Variants in SGIP1 observed in about 807,000 individuals in gnomAD.
The protein encoded by SGIP1 is SH3-containing GRB2-like protein 3-interacting protein 1.
A neutral mutation model predicts 107.5 loss-of-function variants in SGIP1; 38 were observed. The observed-to-expected ratio is 0.35, with a 90% CI of 0.27 to 0.46. The LOEUF is 0.46. Ranked by LOEUF, SGIP1 falls within the 20% of genes least tolerant of loss-of-function variation. The pLI is 1.00. For synonymous variants in SGIP1, 365 were observed against 366.1 expected, an observed-to-expected ratio of 1.00 and a Z score of 0.03; for missense variants, 929 against 1,019.5, an observed-to-expected ratio of 0.91 and a Z score of 1.21.
intron 1 of SGIP1, among the ~76,000 whole-genome samples, chr1:66,553,242 A>G (rs1401393709): frequency 1.3e-5 from 2 of 152,174 alleles, no homozygotes; most frequent in East Asian, 1.9e-4. Context: ...CATGCGGGGA[A>G]CAGAGACAGT....
intron 23 of SGIP1, among the ~76,000 whole-genome samples, 170 bp downstream of exon 23, chr1:66,740,892 T>C (rs1557825371): frequency 6.6e-6 from 1 of 152,248 alleles, no homozygotes; most frequent in African/African-American, 2.4e-5. Flanking sequence ...CAATGAATTC[T>C]CTTTTTCCCC....
In SGIP1 at chr1:66,750,877, A is replaced by G. The variant is rs1415727265; in HGVS notation, c.*7782A>G. Among the ~76,000 whole-genome samples, 1 of 152,214 alleles carries G rather than the reference A, an allele frequency of 6.6e-6. No homozygotes were observed. Among genetic ancestry groups the G allele is most frequent in the Non-Finnish European group, 1.5e-5 (1 of 68,044 alleles). On this transcript the variant is annotated 3_prime_UTR_variant, in exon 25 of 25. Transcript: ENST00000371037. ...AAGATAATCATGAGACCATCTTAACATTACTTGCCTTATAAGTTAGAAATA... is the reference window on the plus strand; with the variant it reads ...AAGATAATCATGAGACCATCTTAACGTTACTTGCCTTATAAGTTAGAAATA...
At chr1:66,659,988 AAGAAAGAAAGACAGAC>A (rs1362098991) in intron 7 of SGIP1, 6 of 76,494 alleles carry the variant, frequency 7.8e-5, no homozygotes, top group African/African-American at 3.7e-4. Flanking sequence ...GAAAGAAAGA[AAGAAAGAAAGACAGAC>A]AGACAGACAG....
At chr1:66,731,996 T>G (rs1489972521) in intron 20 of SGIP1, among the ~76,000 whole-genome samples, 1 of 152,238 alleles carries the variant, frequency 6.6e-6, no homozygotes, top group Non-Finnish European at 1.5e-5. Flanking sequence ...CATCTCTGTG[T>G]AAGCATTTGA....
intron 1 of SGIP1, among the ~76,000 whole-genome samples, chr1:66,573,043 G>A (rs2060591479): frequency 6.6e-6 from 1 of 152,018 alleles, no homozygotes; most frequent in Non-Finnish European, 1.5e-5. Context: ...ATGTTTGCCT[G>A]GAGGTGGGAG....
chr1:66,632,111 C>A (rs1238180326), intron 2 of SGIP1, among the ~76,000 whole-genome samples: 9 of 152,164 alleles, frequency 5.9e-5, no homozygotes, highest in Non-Finnish European at 1.0e-4. Flanking sequence ...AAATTATAAT[C>A]AACTCACAGT....
intron 17 of SGIP1, chr1:66,694,395 T>A: frequency 6.5e-7 from 1 of 1,540,732 alleles, no homozygotes; most frequent in Non-Finnish European, 8.9e-7. Flanking sequence ...GGATTTGTAT[T>A]TGTGTTTTTG....
In SGIP1 at chr1:66,668,957, A is replaced by G. The variant is rs187440175; in HGVS notation, c.483+1416A>G. Among the ~76,000 whole-genome samples the G allele has an allele frequency of 1.4e-3, 207 of 152,326 alleles. 1 individual carries two copies. The highest frequency in any genetic ancestry group is 4.9e-3 in the African/African-American group (204 of 41,582). ...TGGTTTGTGTGGTCGACATCACCTC[A>G]GTCTTTTTCTAGATATGTCATGCTG... On this transcript the variant is annotated intron_variant, in intron 9 of 24. Coordinates refer to ENST00000371037, the MANE Select transcript of SGIP1 (RefSeq NM_032291.4).
intron 2 of SGIP1, among the ~76,000 whole-genome samples, chr1:66,630,774 C>T (rs914326304): frequency 7.5e-6 from 1 of 134,018 alleles, no homozygotes; most frequent in Admixed American, 8.6e-5. Context: ...CCATTGCACA[C>T]CAGCCTGGGT....
intron 1 of SGIP1, 144 bp downstream of exon 1, chr1:66,534,512 C>A: frequency 2.2e-6 from 2 of 916,898 alleles, no homozygotes; most frequent in Admixed American, 1.9e-5. Context: ...AGTTTGCTTG[C>A]AGTGGATCTG....
chr1:66,615,532 C>T (rs1476109732), intron 1 of SGIP1, among the ~76,000 whole-genome samples: 1 of 152,190 alleles, frequency 6.6e-6, no homozygotes, highest in South Asian at 2.1e-4. Flanking sequence ...GACTGGCCCC[C>T]TATTCCCTGA....
chr1:66,682,410 G>A (rs2086947321), intron 15 of SGIP1, 41 bp downstream of exon 15: 2 of 1,567,732 alleles, frequency 1.3e-6, no homozygotes, highest in Non-Finnish European at 8.6e-7. Context: ...GACGGGGAAT[G>A]GCCATGGCTG....
chr1:66,676,976 C>A, intron 12 of SGIP1, 28 bp from the exon 13 acceptor site: 1 of 1,568,300 alleles, frequency 6.4e-7, no homozygotes, highest in East Asian at 2.2e-5. Flanking sequence ...TTTAACTCAC[C>A]CTGGGAAATC....
chr1:66,565,387 A>G (rs1287510506), intron 1 of SGIP1, among the ~76,000 whole-genome samples: 1 of 152,028 alleles, frequency 6.6e-6, no homozygotes, highest in Non-Finnish European at 1.5e-5. Flanking sequence ...ATGTCTTTAC[A>G]AAAACTGTCA....
At chr1:66,638,088 C>T (rs1388492810) in intron 4 of SGIP1, among the ~76,000 whole-genome samples, 2 of 151,896 alleles carry the variant, frequency 1.3e-5, no homozygotes, top group African/African-American at 4.8e-5. Context: ...CTTTTGATCT[C>T]CTATCAATAT....
intron 17 of SGIP1, 163 bp from the exon 18 acceptor site, chr1:66,695,271 A>AAAAAAAAAAAATT: frequency 5.6e-5 from 74 of 1,325,712 alleles, no homozygotes; most frequent in Non-Finnish European, 6.5e-5. Flanking sequence ...AAAAAAAAAA[A>AAAAAAAAAAAATT]GTGTAGATTG....
chr1:66,625,504 T>C (rs1021140957), intron 1 of SGIP1, among the ~76,000 whole-genome samples: 1 of 152,230 alleles, frequency 6.6e-6, no homozygotes, highest in African/African-American at 2.4e-5. Flanking sequence ...AAAATGGCTA[T>C]TCTTCTAAAT....
chr1:66,537,078 T>C (rs549948266), intron 1 of SGIP1, among the ~76,000 whole-genome samples: 6 of 152,314 alleles, frequency 3.9e-5, no homozygotes, highest in Non-Finnish European at 8.8e-5. Context: ...ACCTCCTCAG[T>C]GATCCTAATT....
Position 66,671,995 on chromosome 1 carries a change from G to C in SGIP1, c.560G>C (p.Ser187Thr). The C allele has an allele frequency of 6.2e-7, 1 of 1,613,894 alleles. No homozygotes were observed. Among genetic ancestry groups the C allele is most frequent in the South Asian group, 1.1e-5 (1 of 91,062 alleles). Residue 187 changes from serine to threonine, a missense_variant and splice_region_variant, in exon 11 of 25, where the codon AGC becomes ACC. This residue lies in a region of SGIP1 where 588 missense variants were observed against 588.6 expected (regional missense o/e 1.00). Coordinates refer to ENST00000371037, the MANE Select transcript of SGIP1 (RefSeq NM_032291.4). Reference protein sequence around the residue: ...RRSTPTPELISKKPPDDTTAL... With the variant: ...RRSTPTPELITKKPPDDTTAL... ...TCCACACCAACTCCAGAACTTATAA[G>C]GTGAGTGTGAAAGACATTAGTTGTG...
Sources: gnomAD v4.1 joint callset for allele counts (sites outside exome capture counted in the v4.1 genomes callset) on GRCh38, gnomAD v4.1.1 for gene constraint, gnomAD v4.1.1 regional missense constraint, MANE v1.5 for transcripts, NCBI Gene and HGNC (gene_info 2026-07-23, HGNC 2026-07-21) for gene names.